The following MARCHF4 variants were observed in gnomAD, a reference collection of about 807,000 sequenced individuals.
MARCHF4 encodes the protein membrane associated ring-CH-type finger 4, also known as E3 ubiquitin-protein ligase MARCHF4.
Under a neutral mutation model 43.9 loss-of-function variants are expected in MARCHF4, and 14 were observed. The ratio of observed to expected loss-of-function variants is 0.32; its 90% CI spans 0.21 to 0.50. The LOEUF (loss-of-function observed/expected upper bound fraction) is 0.50, where lower values mean the gene tolerates loss of function less well. MARCHF4 is among the 20% of genes least tolerant of loss of function. The pLI, the probability that MARCHF4 is intolerant of heterozygous loss-of-function variation, is 0.98. For synonymous variants in MARCHF4, 226 were observed against 213.3 expected, an observed-to-expected ratio of 1.06 and a Z score of -0.52; for missense variants, 468 against 536.7, an observed-to-expected ratio of 0.87 and a Z score of 1.27.
intron 1 of MARCHF4, among the ~76,000 whole-genome samples, chr2:216,360,845 G>A (rs1692566134): frequency 6.6e-6 from 1 of 151,984 alleles, no homozygotes; most frequent in African/African-American, 2.4e-5. Flanking sequence ...TTGTTTTGTA[G>A]AGATGGAGTC....
chr2:216,276,425 A>G (rs1453925680), intron 3 of MARCHF4, among the ~76,000 whole-genome samples: 1 of 152,232 alleles, frequency 6.6e-6, no homozygotes, highest in African/African-American at 2.4e-5. Context: ...ACTAGGTGCT[A>G]TAATTAAAAG....
chr2:216,315,785 C>A (rs1691764053), intron 1 of MARCHF4, among the ~76,000 whole-genome samples: 1 of 151,970 alleles, frequency 6.6e-6, no homozygotes, highest in Non-Finnish European at 1.5e-5. Context: ...TTTATATGAC[C>A]TTTTTAGAAT....
intron 2 of MARCHF4, among the ~76,000 whole-genome samples, chr2:216,281,071 T>A (rs1258697246): frequency 1.3e-5 from 2 of 149,406 alleles, no homozygotes. Context: ...TTTTTTTTTT[T>A]TTTTTTTTTT....
At chr2:216,276,690 C>T (rs998914098) in intron 3 of MARCHF4, among the ~76,000 whole-genome samples, 3 of 152,202 alleles carry the variant, frequency 2.0e-5, no homozygotes, top group Non-Finnish European at 4.4e-5. Context: ...AATATACATA[C>T]TAACAACACC....
intron 1 of MARCHF4, among the ~76,000 whole-genome samples, chr2:216,368,515 C>T (rs1163663321): frequency 2.6e-5 from 4 of 152,158 alleles, no homozygotes; most frequent in African/African-American, 7.2e-5. Flanking sequence ...GATCACTGGT[C>T]CCCAGAGTTC....
chr2:216,279,298 G>A (rs961435574), intron 2 of MARCHF4, among the ~76,000 whole-genome samples: 1 of 152,252 alleles, frequency 6.6e-6, no homozygotes, highest in Non-Finnish European at 1.5e-5. Context: ...AGATACAAGT[G>A]GGTGGAGTGG....
At chr2:216,300,632 C>T (rs1691479253) in intron 1 of MARCHF4, among the ~76,000 whole-genome samples, 1 of 152,090 alleles carries the variant, frequency 6.6e-6, no homozygotes, top group African/African-American at 2.4e-5. Context: ...AGGCATGAGC[C>T]ACCATGCCTG....
At chr2:216,334,345 G>A (rs1692125432) in intron 1 of MARCHF4, among the ~76,000 whole-genome samples, 1 of 152,154 alleles carries the variant, frequency 6.6e-6, no homozygotes, top group South Asian at 2.1e-4. Context: ...AGTTCTGCCA[G>A]CAACCCGAAT....
intron 1 of MARCHF4, among the ~76,000 whole-genome samples, chr2:216,287,549 G>A (rs770414742): frequency 1.0e-4 from 15 of 150,610 alleles, no homozygotes; most frequent in Admixed American, 2.7e-4. Context: ...ACACTGTGGG[G>A]GAGTGGTGAA....
At chr2:216,367,083 C>T (rs149820287) in intron 1 of MARCHF4, among the ~76,000 whole-genome samples, 38 of 152,206 alleles carry the variant, frequency 2.5e-4, no homozygotes, top group African/African-American at 9.1e-4. Context: ...TTTTGGCAGT[C>T]GTTTAGCCCC....
At chr2:216,263,535 GAGAA>G (rs1182407559) in intron 3 of MARCHF4, among the ~76,000 whole-genome samples, 6 of 150,088 alleles carry the variant, frequency 4.0e-5, no homozygotes, top group African/African-American at 9.9e-5. Flanking sequence ...GAGAGAGAGA[GAGAA>G]AGAGAGAGAG....
chr2:216,308,181 C>A (rs1447674309), intron 1 of MARCHF4, among the ~76,000 whole-genome samples: 4 of 152,204 alleles, frequency 2.6e-5, no homozygotes, highest in South Asian at 4.2e-4. Flanking sequence ...GCAGGCAGAT[C>A]GCTTGAGCTC....
chr2:216,358,275 T>C (rs902130887), intron 1 of MARCHF4, among the ~76,000 whole-genome samples: 17 of 152,216 alleles, frequency 1.1e-4, no homozygotes, highest in African/African-American at 4.1e-4. Flanking sequence ...TGCCTGACTC[T>C]ACAAGCCCGT....
intron 1 of MARCHF4, among the ~76,000 whole-genome samples, chr2:216,290,971 A>G (rs1225233613): frequency 2.0e-5 from 3 of 152,194 alleles, no homozygotes; most frequent in African/African-American, 4.8e-5. Context: ...ACTGAGATAC[A>G]TGTTAATCTG....
intron 1 of MARCHF4, among the ~76,000 whole-genome samples, chr2:216,332,772 T>C (rs896099172): frequency 1.3e-5 from 2 of 152,176 alleles, no homozygotes; most frequent in Admixed American, 1.3e-4. Context: ...ACTAATGATA[T>C]AGCCATAGTA....
chr2:216,283,712 T>G lies in MARCHF4; in HGVS notation c.534A>C (p.Pro178=). Residue 178 remains proline (P), a synonymous_variant, in exon 2 of 4, where the codon CCA becomes CCC. Transcript: ENST00000273067. ...QGPEQGELLS[P]CRCDGSVKCT... ...ACTTGACCGAGCCATCACAGCGGCA[T>G]GGGCTCAGCAGCTCCCCCTGCAGGG... 6.2e-7 allele frequency: 1 copy of G among 1,606,698 alleles called. No individual in the cohort carries two copies. Among genetic ancestry groups the G allele is most frequent in the Non-Finnish European group, 8.5e-7 (1 of 1,174,074 alleles).
intron 3 of MARCHF4, among the ~76,000 whole-genome samples, chr2:216,273,260 T>C (rs1489806181): frequency 6.6e-6 from 1 of 152,264 alleles, no homozygotes; most frequent in Non-Finnish European, 1.5e-5. Context: ...TTTACTCATA[T>C]TCTTTACTAT....
At chr2:216,274,661 C>CTT (rs1690993351) in intron 3 of MARCHF4, among the ~76,000 whole-genome samples, 1 of 152,212 alleles carries the variant, frequency 6.6e-6, no homozygotes, top group Admixed American at 6.5e-5. Flanking sequence ...ACCTCCCACT[C>CTT]TCTTGCAAGA....
intron 1 of MARCHF4, among the ~76,000 whole-genome samples, chr2:216,354,811 C>G (rs1692456194): frequency 1.3e-5 from 2 of 152,180 alleles, no homozygotes; most frequent in Admixed American, 1.3e-4. Context: ...TGACTCTGGT[C>G]CTCAGCATAA....
Sources: allele counts gnomAD v4.1 joint callset (sites outside exome capture counted in the v4.1 genomes callset), GRCh38; gene constraint gnomAD v4.1.1; transcripts MANE v1.5; gene names NCBI Gene and HGNC (gene_info 2026-07-23, HGNC 2026-07-21).